MTMR11: variants seen among roughly 807,000 people sequenced by gnomAD.
The protein encoded by MTMR11 is myotubularin related protein 11.
In MTMR11, 89 loss-of-function variants were observed where a neutral mutation model predicts 100.0. That is an observed-to-expected ratio of 0.89 (90% CI 0.75 to 1.06). The LOEUF is 1.06. Among genes scored for constraint, MTMR11 ranks in the 50% least tolerant of loss-of-function variants. MTMR11 has a pLI of 0.00. For synonymous variants in MTMR11, 336 were observed against 326.3 expected (o/e 1.03, Z -0.32); for missense variants, 809 against 873.7 (o/e 0.93, Z 0.93).
In MTMR11 at chr1:149,935,359, C is replaced by T. The variant is rs1553768873; in HGVS notation, c.265G>A (p.Asp89Asn). 1.2e-6 allele frequency: 2 copies of T among 1,613,746 alleles called. No homozygotes were observed. Among genetic ancestry groups the T allele is most frequent in the South Asian group, 2.2e-5 (2 of 91,060 alleles). ...TCGTATTCACTGTTCAAGGGAGTGT[C>T]CTAGACGAAACACGTGACTGGGTAG... ...FQPCGWQWNQ[D>N]TPLNSEYDFA... The change falls in exon 4 of 17, where the codon GAC (aspartate) becomes AAC (asparagine). Residue 89 changes from aspartate to asparagine, a missense_variant and splice_region_variant. By Grantham distance (23) the Asp-to-Asn change is conservative. Transcript: ENST00000439741.
At chr1:149,932,444 G>A (rs1377010370) in intron 10 of MTMR11, 114 bp from the exon 11 acceptor site, 25 of 806,246 alleles carry the variant, frequency 3.1e-5, no homozygotes, top group South Asian at 6.0e-5. Flanking sequence ...TAAATGGCCA[G>A]GATGGTTTCT....
intron 11 of MTMR11, 53 bp from the exon 12 acceptor site, chr1:149,932,067 G>GAGTGAT: frequency 6.5e-7 from 1 of 1,530,662 alleles, no homozygotes; most frequent in Non-Finnish European, 9.0e-7. Flanking sequence ...TAGGGGAATG[G>GAGTGAT]AGTGATTTTG....
Position 149,928,947 on chromosome 1 carries a change from T to C in MTMR11, c.*182A>G. On this transcript the variant is annotated 3_prime_UTR_variant, in exon 17 of 17. Transcript: ENST00000439741. ...CTGGATTGTTTTTGTTTCTTAATCCTTCAAATGACAAGAAGCAAAAATATT... is the reference window on the plus strand; with the variant it reads ...CTGGATTGTTTTTGTTTCTTAATCCCTCAAATGACAAGAAGCAAAAATATT... The C allele has an allele frequency of 6.2e-7, 1 of 1,613,950 alleles. No homozygotes were observed.
At chr1:149,931,522 G>T in intron 12 of MTMR11, 96 bp from the exon 13 acceptor site, 1 of 1,171,978 alleles carries the variant, frequency 8.5e-7, no homozygotes, top group Non-Finnish European at 1.2e-6. Context: ...AGAAGTGAGA[G>T]GCACAGAGGG....
chr1:149,936,532 A>G (rs1553769289), intron 1 of MTMR11, 50 bp downstream of exon 1: 3 of 1,356,428 alleles, frequency 2.2e-6, no homozygotes, highest in Non-Finnish European at 3.1e-6. Context: ...TCTCCACCTC[A>G]TCCCCGTTCT....
chr1:149,934,396 G>A (rs181227595), intron 6 of MTMR11, 52 bp downstream of exon 6: 2 of 1,613,382 alleles, frequency 1.2e-6, no homozygotes, highest in East Asian at 4.5e-5. Context: ...TTTGTCATCA[G>A]CCATCCTCTG....
chr1:149,934,453 T>C lies in MTMR11; in HGVS notation c.542A>G (p.Lys181Arg), dbSNP rs2101672720. Residue 181 changes from lysine to arginine, a missense_variant, in exon 6 of 17, where the codon AAG (lysine) becomes AGG (arginine). Transcript: ENST00000439741. The stretch of plus-strand genomic sequence containing the variant: ...CCTAAAGCACTCTCACTCACCAGCC[T>C]TGCTCAGGGTTATCCCCGAATACTG... Reference protein sequence around the residue: ...AQQYSGITLSKAGQGSGSRKP... With the variant: ...AQQYSGITLSRAGQGSGSRKP... 1.9e-6 allele frequency: 3 copies of C among 1,614,222 alleles called. No individual in the cohort carries two copies. The highest frequency in any genetic ancestry group is 2.5e-6 in the Non-Finnish European group (3 of 1,180,032).
At chr1:149,930,692 A>C in intron 14 of MTMR11, 100 bp downstream of exon 14, 1 of 1,380,728 alleles carries the variant, frequency 7.2e-7, no homozygotes, top group Non-Finnish European at 9.8e-7. Flanking sequence ...CCCCCTCCCC[A>C]CTCACAGACC....
chr1:149,936,788 C>T lies in MTMR11; in HGVS notation c.-141G>A, dbSNP rs1281945061. On this transcript the variant is annotated 5_prime_UTR_variant, in exon 1 of 17. It removes an upstream start codon present in the reference 5' UTR. Coordinates refer to ENST00000439741, the MANE Select transcript of MTMR11 (RefSeq NM_001145862.2). ...GGGGGTTGGACACAAGGGAAAGGAG[C>T]ATTTGACGTGCACGGAGCAGAGTTT... 14 of 671,358 alleles carry T rather than the reference C, an allele frequency of 2.1e-5. No homozygotes were observed. Among genetic ancestry groups the T allele is most frequent in the Non-Finnish European group, 3.7e-5 (14 of 378,938 alleles). The allele number at this position is 671,358 out of a possible 1,614,324, so 41.6% of individuals were successfully genotyped here.
Position 149,936,599 on chromosome 1 carries a change from C to T in MTMR11, c.49G>A (p.Glu17Lys), listed in dbSNP as rs2092725810. 2.6e-6 allele frequency: 4 copies of T among 1,540,318 alleles called. No homozygotes were observed. Among genetic ancestry groups the T allele is most frequent in the Non-Finnish European group, 3.5e-6 (4 of 1,137,440 alleles). The change falls in exon 1 of 17, where the codon GAG becomes AAG. Residue 17 changes from glutamate to lysine, a missense_variant. Coordinates refer to ENST00000439741, the MANE Select transcript of MTMR11 (RefSeq NM_001145862.2). ...GQSFNIAPQK[E>K]EPEMGSVQEN... ...CTCCTTACCCCCATCTCTGGCTCCT[C>T]CTTCTGGGGGGCAATGTTGAAACTC...
chr1:149,929,704 T>C lies in MTMR11; in HGVS notation c.1860A>G (p.Pro620=). ...PSHWGACPLP[P]GLLLPGYLGP... is the part of the protein sequence containing the mutation. The stretch of plus-strand genomic sequence containing the variant: ...CCAGATACCCAGGCAGCAGCAGCCC[T>C]GGAGGTAAAGGGCAAGCTCCCCAAT... The change falls in exon 16 of 17, where the codon CCA becomes CCG. Residue 620 remains proline (P), a synonymous_variant. Coordinates refer to ENST00000439741, the MANE Select transcript of MTMR11 (RefSeq NM_001145862.2). The C allele has an allele frequency of 6.2e-7, 1 of 1,614,062 alleles. No homozygotes were observed. The highest frequency in any genetic ancestry group is 1.7e-5 in the Admixed American group (1 of 60,014).
chr1:149,929,884 A>C lies in MTMR11; in HGVS notation c.1680T>G (p.Ser560=). ...PSFMVPGPPS[S]VWLFSRGALT... ...ATGCTCCTCTAGAGAAGAGCCACACAGAACTGGGGGGTCCAGGAACCATGA... is the reference window on the plus strand; with the variant it reads ...ATGCTCCTCTAGAGAAGAGCCACACCGAACTGGGGGGTCCAGGAACCATGA... Residue 560 remains serine (S), a synonymous_variant, in exon 16 of 17, where the codon TCT becomes TCG. Coordinates refer to ENST00000439741, the MANE Select transcript of MTMR11 (RefSeq NM_001145862.2). The C allele has an allele frequency of 6.2e-7, 1 of 1,613,530 alleles. No individual in the cohort carries two copies. The highest frequency in any genetic ancestry group is 8.5e-7 in the Non-Finnish European group (1 of 1,179,552).
intron 6 of MTMR11, 56 bp downstream of exon 6, chr1:149,934,392 A>G (rs1187813247): frequency 2.5e-6 from 4 of 1,613,646 alleles, no homozygotes; most frequent in Non-Finnish European, 3.4e-6. Context: ...GCTCTTTGTC[A>G]TCAGCCATCC....
intron 12 of MTMR11, 119 bp from the exon 13 acceptor site, chr1:149,931,545 G>A (rs1456219878): frequency 6.3e-6 from 6 of 945,086 alleles, no homozygotes; most frequent in Non-Finnish European, 7.7e-6. Flanking sequence ...AAGGTTTGGG[G>A]TAGGAGGATT....
intron 2 of MTMR11, 143 bp downstream of exon 2, chr1:149,936,011 G>A (rs1296290264): frequency 2.2e-6 from 2 of 926,250 alleles, no homozygotes; most frequent in Admixed American, 1.8e-5. Flanking sequence ...CAGCTCTAGA[G>A]GCTGTCAGGG....
chr1:149,935,492 C>A, intron 3 of MTMR11, 92 bp downstream of exon 3: 1 of 1,579,202 alleles, frequency 6.3e-7, no homozygotes, highest in Non-Finnish European at 8.7e-7. Context: ...ATTCAAAAGA[C>A]AGCCCTTAAC....
In MTMR11 at chr1:149,930,472, A is replaced by C. The variant is rs1274729850; in HGVS notation, c.1540T>G (p.Ser514Ala). Residue 514 changes from serine to alanine, a missense_variant, in exon 15 of 17, where the codon TCT becomes GCT. Coordinates refer to ENST00000439741, the MANE Select transcript of MTMR11 (RefSeq NM_001145862.2). Reference sequence around the variant, plus strand: ...TAACGTAAATCCCAGTCCCAGACAGACAGCTGCAGGTTAAAAGAGTTCCCA... The same window carrying C: ...TAACGTAAATCCCAGTCCCAGACAGCCAGCTGCAGGTTAAAAGAGTTCCCA... ...PAGNSFNLQL[S>A]VWDWDLRYSN... is the part of the protein sequence containing the mutation. 6.2e-7 allele frequency: 1 copy of C among 1,613,988 alleles called. No homozygotes were observed. Among genetic ancestry groups the C allele is most frequent in the Non-Finnish European group, 8.5e-7 (1 of 1,179,974 alleles).
chr1:149,934,382 GCT>G lies in MTMR11; in HGVS notation c.548-58_548-57del, dbSNP rs1164582251. ...GGAGAAAATCAGAGACAGCTTCTCA[GCT>G]CTTTGTCATCAGCCATCCTCTGCTT... is the stretch of plus-strand genomic sequence containing the variant. On this transcript the variant is annotated intron_variant, in intron 6 of 16. Transcript: ENST00000439741. 4.3e-6 allele frequency: 7 copies of G among 1,613,514 alleles called. No homozygotes were observed. In the African/African-American group the frequency reaches 9.3e-5, roughly 22 times the overall value.
At position 149,935,298 on chromosome 1, in the gene MTMR11, C is replaced by T. The variant is rs782000782; in HGVS notation, c.325+1G>A. The T allele has an allele frequency of 3.1e-6, 5 of 1,612,792 alleles. No individual in the cohort carries two copies. Among genetic ancestry groups the T allele is most frequent in the Non-Finnish European group, 4.2e-6 (5 of 1,179,404 alleles). On this transcript the variant is annotated splice_donor_variant, in intron 4 of 16. Transcript: ENST00000439741. LOFTEE classifies it high-confidence loss of function. ...CTTCACCAAACCCCCCCCCAACTTA[C>T]CAGCCTCTAATCGTCCAATGTTGAC...
Sources: allele counts gnomAD v4.1 joint callset, GRCh38; gene constraint gnomAD v4.1.1; transcripts MANE v1.5; gene names NCBI Gene and HGNC (gene_info 2026-07-23, HGNC 2026-07-21).